Variants in ROBO1 observed in about 807,000 individuals in gnomAD.
The protein encoded by ROBO1 is roundabout guidance receptor 1.
ROBO1 carries 149 observed loss-of-function variants against 195.9 expected under a neutral mutation model. The ratio of observed to expected loss-of-function variants is 0.76; its 90% CI spans 0.67 to 0.87. The LOEUF (loss-of-function observed/expected upper bound fraction) is 0.87, where lower values mean the gene tolerates loss of function less well. ROBO1 is among the 40% of genes least tolerant of loss of function. ROBO1 has a pLI of 0.00. For synonymous variants in ROBO1, 816 were observed against 733.2 expected, an observed-to-expected ratio of 1.11 and a Z score of -1.82; for missense variants, 1,933 against 2,068.3, an observed-to-expected ratio of 0.93 and a Z score of 1.27.
At chr3:79,378,409 C>G (rs2036457856) in intron 2 of ROBO1, among the ~76,000 whole-genome samples, 2 of 152,144 alleles carry the variant, frequency 1.3e-5, no homozygotes, top group South Asian at 4.1e-4. Context: ...ATTCTCCCCA[C>G]CCTGTCAAAA....
At chr3:79,232,665 T>G (rs1164106449) in intron 2 of ROBO1, among the ~76,000 whole-genome samples, 1 of 152,082 alleles carries the variant, frequency 6.6e-6, no homozygotes, top group African/African-American at 2.4e-5. Context: ...TATTCAACTT[T>G]CCATCAGCCA....
rs75088797 is a variant in ROBO1, at chr3:78,957,985, C to T, written c.173-19058G>A. 2.6e-5 allele frequency among the ~76,000 whole-genome samples: 4 copies of T among 152,126 alleles called. No homozygotes were observed. The East Asian group carries it at 7.7e-4, about 29-fold the overall frequency. Reference sequence around the variant, plus strand: ...CTCAATATAATGGGTTTTGCTCTAGCTTTCTGCTAGCACAGAAACTACAAG... The same window carrying T: ...CTCAATATAATGGGTTTTGCTCTAGTTTTCTGCTAGCACAGAAACTACAAG... On this transcript the variant is annotated intron_variant, in intron 3 of 30. Coordinates refer to ENST00000464233, the MANE Select transcript of ROBO1 (RefSeq NM_002941.4).
At chr3:79,555,271 AG>A (rs1378234500) in intron 2 of ROBO1, among the ~76,000 whole-genome samples, 1 of 152,146 alleles carries the variant, frequency 6.6e-6, no homozygotes, top group African/African-American at 2.4e-5. Flanking sequence ...TCCTAATCTT[AG>A]TTGAGTGAAA....
chr3:79,406,993 A>T (rs1421156360), intron 2 of ROBO1, among the ~76,000 whole-genome samples: 1 of 152,082 alleles, frequency 6.6e-6, no homozygotes, highest in Non-Finnish European at 1.5e-5. Context: ...ATCTTGGCTC[A>T]CCGCAACCTC....
At chr3:79,347,275 T>G (rs914430143) in intron 2 of ROBO1, among the ~76,000 whole-genome samples, 1 of 152,208 alleles carries the variant, frequency 6.6e-6, no homozygotes, top group African/African-American at 2.4e-5. Context: ...TGCTATTTCC[T>G]CTTCAACGTG....
chr3:78,893,333 C>A (rs901055761), intron 4 of ROBO1, among the ~76,000 whole-genome samples: 1 of 152,128 alleles, frequency 6.6e-6, no homozygotes, highest in Admixed American at 6.5e-5. Flanking sequence ...CGCCCTTCTG[C>A]CTTCTGCTAT....
intron 1 of ROBO1, among the ~76,000 whole-genome samples, chr3:79,737,238 A>C (rs1323665507): frequency 6.6e-6 from 1 of 152,186 alleles, no homozygotes; most frequent in Non-Finnish European, 1.5e-5. Flanking sequence ...CAAGCTTCCT[A>C]TAGAAAGAAT....
At chr3:79,039,822 T>TAAAAAAAAAAAAAAAA (rs2078452449) in intron 3 of ROBO1, among the ~76,000 whole-genome samples, 1 of 27,544 alleles carries the variant, frequency 3.6e-5, no homozygotes, top group African/African-American at 1.3e-4. Context: ...AAAAAAAAAG[T>TAAAAAAAAAAAAAAAA]TATGTCTATT....
At chr3:79,441,738 T>G (rs1195070316) in intron 2 of ROBO1, among the ~76,000 whole-genome samples, 1 of 152,126 alleles carries the variant, frequency 6.6e-6, no homozygotes, top group Non-Finnish European at 1.5e-5. Context: ...TCTCATTTTC[T>G]AGAGTCTGCA....
chr3:79,351,699 CT>C (rs943017610), intron 2 of ROBO1, among the ~76,000 whole-genome samples: 2 of 151,574 alleles, frequency 1.3e-5, no homozygotes, highest in South Asian at 2.1e-4. Context: ...CAAGTTTTGC[CT>C]TTTTTTTATT....
chr3:78,928,356 G>T (rs150802644), intron 4 of ROBO1, among the ~76,000 whole-genome samples: 1 of 152,082 alleles, frequency 6.6e-6, no homozygotes, highest in Non-Finnish European at 1.5e-5. Context: ...TCTGAGGGAG[G>T]CTTTAAGAAT....
chr3:78,867,277 T>C (rs1210395734), intron 4 of ROBO1, among the ~76,000 whole-genome samples: 1 of 152,172 alleles, frequency 6.6e-6, no homozygotes, highest in African/African-American at 2.4e-5. Flanking sequence ...TTCATTTCTA[T>C]TACCTTAGAA....
intron 4 of ROBO1, among the ~76,000 whole-genome samples, chr3:78,810,357 T>G (rs1160447890): frequency 6.6e-6 from 1 of 152,142 alleles, no homozygotes; most frequent in Non-Finnish European, 1.5e-5. Flanking sequence ...GCTTTTCCTT[T>G]GGAATAGATA....
intron 2 of ROBO1, among the ~76,000 whole-genome samples, chr3:79,205,738 G>A (rs1335803279): frequency 6.6e-6 from 1 of 152,242 alleles, no homozygotes; most frequent in East Asian, 1.9e-4. Context: ...GAGATCCACT[G>A]AAGTCTACAA....
chr3:79,624,577 C>T (rs1348109553), intron 1 of ROBO1, among the ~76,000 whole-genome samples: 1 of 151,634 alleles, frequency 6.6e-6, no homozygotes, highest in Non-Finnish European at 1.5e-5. Context: ...GACTTTAAAC[C>T]AACAGAAATC....
chr3:78,681,004 T>C (rs1413445230), intron 10 of ROBO1, among the ~76,000 whole-genome samples: 2 of 151,516 alleles, frequency 1.3e-5, no homozygotes, highest in African/African-American at 2.4e-5. Flanking sequence ...TATGCAGCCA[T>C]AAAAAATGAT....
intron 1 of ROBO1, among the ~76,000 whole-genome samples, chr3:79,598,595 G>C (rs538336146): frequency 6.6e-6 from 1 of 151,702 alleles, no homozygotes; most frequent in South Asian, 2.1e-4. Context: ...CTGCACAGTG[G>C]CTGCAGCAAG....
intron 2 of ROBO1, among the ~76,000 whole-genome samples, chr3:79,283,436 C>A (rs778697991): frequency 1.1e-4 from 16 of 152,140 alleles, no homozygotes; most frequent in Non-Finnish European, 1.9e-4. Flanking sequence ...TGTACTGTAT[C>A]ACATATCTTC....
intron 2 of ROBO1, among the ~76,000 whole-genome samples, chr3:79,345,299 A>G (rs566049327): frequency 2.0e-4 from 31 of 152,152 alleles, no homozygotes; most frequent in African/African-American, 7.0e-4. Context: ...TTCCATCTTT[A>G]TAGTGCTTTT....
Sources: allele counts gnomAD v4.1 joint callset (sites outside exome capture counted in the v4.1 genomes callset), GRCh38; gene constraint gnomAD v4.1.1; transcripts MANE v1.5; gene names NCBI Gene and HGNC (gene_info 2026-07-23, HGNC 2026-07-21).